The following CNTNAP2 variants were observed in gnomAD, a reference collection of about 807,000 sequenced individuals.
CNTNAP2 encodes contactin associated protein 2.
Under a neutral mutation model 155.2 loss-of-function variants are expected in CNTNAP2, and 98 were observed. The observed-to-expected ratio is 0.63, with a 90% CI of 0.54 to 0.75. The LOEUF is 0.75. CNTNAP2 is among the 30% of genes least tolerant of loss of function. The pLI is 0.00. For missense variants in CNTNAP2, 1,727 were observed against 1,688.1 expected (o/e 1.02, Z -0.40); for synonymous variants, 651 against 631.2 (o/e 1.03, Z -0.47).
chr7:147,480,929 T>G (rs555520375), intron 10 of CNTNAP2, among the ~76,000 whole-genome samples: 1 of 152,264 alleles, frequency 6.6e-6, no homozygotes, highest in Non-Finnish European at 1.5e-5. Flanking sequence ...TTCAAGAGAT[T>G]CCTATGCACA....
rs753908585 is a variant in CNTNAP2, at chr7:148,383,818, G to A, written c.3645G>A (p.Gly1215=). 1 of 1,613,960 alleles carries A rather than the reference G, an allele frequency of 6.2e-7. No individual in the cohort carries two copies. The highest frequency in any genetic ancestry group is 1.3e-5 in the African/African-American group (1 of 74,882). ...IQGELVESNC[G]ASPLTLSPMS... ...GCGAGCTGGTGGAGTCCAACTGCGG[G>A]GCCTCGCCGCTGACCCTCTCCCCCA... The change falls in exon 22 of 24, where the codon GGG becomes GGA. Residue 1215 remains glycine, a synonymous_variant. Transcript: ENST00000361727.
At chr7:147,857,126 T>A (rs1563113299) in intron 13 of CNTNAP2, among the ~76,000 whole-genome samples, 3 of 152,236 alleles carry the variant, frequency 2.0e-5, no homozygotes, top group Admixed American at 6.5e-5. Flanking sequence ...GGTATATTTG[T>A]CAGAACTTTT....
chr7:148,218,280 C>T (rs1340929634), intron 19 of CNTNAP2, among the ~76,000 whole-genome samples: 1 of 152,172 alleles, frequency 6.6e-6, no homozygotes, highest in Non-Finnish European at 1.5e-5. Flanking sequence ...TGTTACAGAA[C>T]ATCTGAACTT....
rs188089125 is a variant in CNTNAP2, at chr7:147,207,162, A to G, written c.1348+74653A>G. Among the ~76,000 whole-genome samples, 245 of 152,340 alleles carry G rather than the reference A, an allele frequency of 1.6e-3. 2 individuals carry two copies. The highest frequency in any genetic ancestry group is 4.7e-3 in the Admixed American group (72 of 15,292). ...ACTGTTGTCAGGAACTCTGGAAAAC[A>G]TAGTTCTCTGGCTCCCAGCCTTTTA... On this transcript the variant is annotated intron_variant, in intron 8 of 23. Coordinates refer to ENST00000361727, the MANE Select transcript of CNTNAP2 (RefSeq NM_014141.6).
In CNTNAP2 at chr7:148,415,284, ATC is replaced by A. The variant is rs1196701322; in HGVS notation, c.3797-131_3797-130del. The A allele has an allele frequency of 6.5e-6, 6 of 917,230 alleles. No individual in the cohort carries two copies. In the East Asian group the frequency reaches 1.6e-4, roughly 24 times the overall value. The allele number at this position is 917,230 out of a possible 1,614,324, so 56.8% of individuals were successfully genotyped here. ...ACAGACATCTTACTTCATTTTTGTT[ATC>A]TTTGTTGTTTTGGAGGTTGTGTTTT... On this transcript the variant is annotated intron_variant, in intron 23 of 23. Coordinates refer to ENST00000361727, the MANE Select transcript of CNTNAP2 (RefSeq NM_014141.6).
chr7:147,806,699 A>G (rs1008760528), intron 13 of CNTNAP2, among the ~76,000 whole-genome samples: 1 of 152,194 alleles, frequency 6.6e-6, no homozygotes, highest in Non-Finnish European at 1.5e-5. Context: ...ATTTACAACA[A>G]TATGGTTGGA....
At chr7:146,840,111 T>A (rs1240499121) in intron 3 of CNTNAP2, among the ~76,000 whole-genome samples, 1 of 152,212 alleles carries the variant, frequency 6.6e-6, no homozygotes, top group Non-Finnish European at 1.5e-5. Flanking sequence ...ATCTGGACTA[T>A]GAATTTGAAT....
At chr7:146,220,473 A>G (rs1799188862) in intron 1 of CNTNAP2, among the ~76,000 whole-genome samples, 1 of 152,180 alleles carries the variant, frequency 6.6e-6, no homozygotes, top group South Asian at 2.1e-4. Context: ...CAACTTCTTA[A>G]CTGTTCAGGC....
chr7:147,599,578 A>G (rs553542630), intron 12 of CNTNAP2, among the ~76,000 whole-genome samples: 15 of 152,062 alleles, frequency 9.9e-5, no homozygotes, highest in African/African-American at 3.6e-4. Context: ...TTCTGAAATA[A>G]TGATGTCCAC....
At chr7:147,596,464 C>T (rs779266614) in intron 12 of CNTNAP2, among the ~76,000 whole-genome samples, 44 of 152,002 alleles carry the variant, frequency 2.9e-4, no homozygotes, top group Admixed American at 6.6e-5. Flanking sequence ...AACAGAAATT[C>T]GATTGTTTTG....
chr7:148,220,387 C>A (rs566937356), intron 19 of CNTNAP2, among the ~76,000 whole-genome samples: 9 of 152,238 alleles, frequency 5.9e-5, no homozygotes, highest in African/African-American at 1.4e-4. Context: ...CAGGCGTGAG[C>A]CATCGTGCCT....
At chr7:148,219,662 T>A (rs960259411) in intron 19 of CNTNAP2, among the ~76,000 whole-genome samples, 1 of 152,158 alleles carries the variant, frequency 6.6e-6, no homozygotes, top group African/African-American at 2.4e-5. Context: ...CAAGACTCCA[T>A]CTCTACCAAA....
At chr7:147,268,374 T>C (rs1804665161) in intron 8 of CNTNAP2, among the ~76,000 whole-genome samples, 2 of 152,172 alleles carry the variant, frequency 1.3e-5, no homozygotes, top group Non-Finnish European at 2.9e-5. Context: ...TGCAGGAACA[T>C]GGATGAAGCT....
intron 3 of CNTNAP2, among the ~76,000 whole-genome samples, chr7:147,011,690 G>A (rs1013357102): frequency 6.6e-6 from 1 of 152,112 alleles, no homozygotes; most frequent in Non-Finnish European, 1.5e-5. Flanking sequence ...TCTCCCCAGA[G>A]CAGGTCTTAG....
At chr7:147,195,062 T>G (rs879211339) in intron 8 of CNTNAP2, among the ~76,000 whole-genome samples, 1 of 152,200 alleles carries the variant, frequency 6.6e-6, no homozygotes, top group African/African-American at 2.4e-5. Context: ...GGGTTTTACA[T>G]TTAAGTCTTT....
intron 1 of CNTNAP2, among the ~76,000 whole-genome samples, chr7:146,416,966 C>A (rs899745316): frequency 6.6e-6 from 1 of 152,182 alleles, no homozygotes; most frequent in African/African-American, 2.4e-5. Context: ...TATTATGTGA[C>A]CTTCTATCGC....
intron 2 of CNTNAP2, among the ~76,000 whole-genome samples, chr7:146,816,384 T>A (rs1239104622): frequency 6.6e-6 from 1 of 152,098 alleles, no homozygotes; most frequent in Admixed American, 6.5e-5. Context: ...AGAGAACTTT[T>A]CATTTCAAGA....
intron 1 of CNTNAP2, among the ~76,000 whole-genome samples, chr7:146,477,483 C>T (rs967265313): frequency 1.3e-5 from 2 of 152,032 alleles, no homozygotes; most frequent in East Asian, 1.9e-4. Flanking sequence ...AAAAGGGATG[C>T]CATATTATCT....
rs556067672 is a variant in CNTNAP2 at position 147,912,753 on chromosome 7, G to A, written c.2255+9032G>A. Among the ~76,000 whole-genome samples, 227 of 152,214 alleles carry A rather than the reference G, an allele frequency of 1.5e-3. 2 individuals are homozygous for A. The highest frequency in any genetic ancestry group is 5.9e-5 in the Non-Finnish European group (4 of 68,010). The stretch of plus-strand genomic sequence containing the variant: ...GCCAAACCTCCTCCAAGCCCCAGAG[G>A]AAGAAGAAGTTCTTCTTCATCCCAA... On this transcript the variant is annotated intron_variant, in intron 14 of 23. Transcript: ENST00000361727.
Sources: gnomAD v4.1 joint callset for allele counts (sites outside exome capture counted in the v4.1 genomes callset) on GRCh38, gnomAD v4.1.1 for gene constraint, MANE v1.5 for transcripts, NCBI Gene and HGNC (gene_info 2026-07-23, HGNC 2026-07-21) for gene names.